Variants in LARS1 observed in about 807,000 individuals in gnomAD.
The protein encoded by LARS1 is leucyl-tRNA synthetase 1.
In LARS1, 100 loss-of-function variants were observed where a neutral mutation model predicts 162.8. The ratio of observed to expected loss-of-function variants is 0.61; its 90% CI spans 0.52 to 0.73. The LOEUF (loss-of-function observed/expected upper bound fraction) is 0.73. Ranked by LOEUF, LARS1 falls within the 30% of genes least tolerant of loss-of-function variation. The probability of loss-of-function intolerance (pLI) is 0.00; values close to 1 mark genes in which losing one functional copy is unlikely to be tolerated. For synonymous variants in LARS1, 457 were observed against 462.8 expected (o/e 0.99, Z 0.16); for missense variants, 1,258 against 1,408.9 (o/e 0.89, Z 1.71).
intron 24 of LARS1, 118 bp from the exon 25 acceptor site, chr5:146,130,276 A>AT: frequency 1.1e-6 from 1 of 946,994 alleles, no homozygotes; most frequent in Non-Finnish European, 1.6e-6. Context: ...TTAAAAATCC[A>AT]TAACAAATTA....
chr5:146,160,609 T>C, intron 6 of LARS1, 123 bp from the exon 7 acceptor site: 1 of 489,140 alleles, frequency 2.0e-6, no homozygotes, highest in Non-Finnish European at 3.6e-6. Flanking sequence ...TTAAAAATAA[T>C]TTTCCAAGTT....
In LARS1 at chr5:146,126,513, G is replaced by A. The variant is rs1752052784; in HGVS notation, c.2913C>T (p.Val971=). 6.2e-7 allele frequency: 1 copy of A among 1,612,014 alleles called. No individual in the cohort carries two copies. The change falls in exon 28 of 32, where the codon GTC becomes GTT. Residue 971 remains valine (V), a synonymous_variant. Transcript: ENST00000394434. ...ANNGKLPDNK[V]IASELGSMPE... ...GCATACTGCCTAGTTCACTAGCAAT[G>A]ACTTTGTTGTCAGGCAGTTTTCCGT...
rs1764076817 is a variant in LARS1, at chr5:146,113,758, A to C, written c.*348T>G. 5.3e-6 allele frequency: 1 copy of C among 188,788 alleles called. No individual in the cohort carries two copies. The highest frequency in any genetic ancestry group is 5.4e-5 in the Admixed American group (1 of 18,568). 11.7% of individuals were successfully genotyped at this position (188,788 alleles called of 1,614,324 possible). On this transcript the variant is annotated 3_prime_UTR_variant, in exon 32 of 32. Transcript: ENST00000394434. ...TATACTATAAAAAGCTGTTAGGTAC[A>C]CCTTAGCCTTCATCAAAGTATAAAG...
Position 146,113,521 on chromosome 5 carries a change from G to T in LARS1, c.*585C>A, listed in dbSNP as rs1196041334. 1 of 152,164 alleles carries T rather than the reference G, an allele frequency of 6.6e-6. No individual in the cohort carries two copies. The highest frequency in any genetic ancestry group is 2.4e-5 in the African/African-American group (1 of 41,396). 9.4% of individuals were successfully genotyped at this position (152,164 alleles called of 1,614,324 possible). ...TATTAGCCTTGAAGAAGCCATTATTGGTTCTTAGTTGAATAATTAAAGCTT... is the reference window on the plus strand; with the variant it reads ...TATTAGCCTTGAAGAAGCCATTATTTGTTCTTAGTTGAATAATTAAAGCTT... On this transcript the variant is annotated 3_prime_UTR_variant, in exon 32 of 32. Transcript: ENST00000394434.
chr5:146,138,890 GA>G, intron 21 of LARS1: 1 of 293,860 alleles, frequency 3.4e-6, no homozygotes. Context: ...GTAATCTGGG[GA>G]AAGGTAACTC....
At chr5:146,164,034 C>T (rs561641014) in intron 6 of LARS1, among the ~76,000 whole-genome samples, 1 of 152,164 alleles carries the variant, frequency 6.6e-6, no homozygotes, top group South Asian at 2.1e-4. Context: ...TGTGTGGCAA[C>T]CCAAAACAAT....
chr5:146,139,448 TTC>T (rs887092279), intron 21 of LARS1, among the ~76,000 whole-genome samples: 3 of 152,112 alleles, frequency 2.0e-5, no homozygotes, highest in East Asian at 1.9e-4. Flanking sequence ...GTCTCTCTTT[TTC>T]TCTCTTTACT....
intron 20 of LARS1, chr5:146,142,671 T>C: frequency 3.9e-6 from 2 of 512,028 alleles, no homozygotes; most frequent in South Asian, 5.5e-5. Context: ...CATGCTTTGG[T>C]GCCTGGGGTA....
At position 146,177,564 on chromosome 5, in the gene LARS1, A is replaced by G; in HGVS notation, c.108T>C (p.Asn36=). ...TERVFEVNAS[N]LEKQTSKGKY... is the part of the protein sequence containing the mutation. ...TTACTCACCTGGTCTGTTTCTCTAAATTAGATGCATTGACCTCAAACACTC... is the reference window on the plus strand; with the variant it reads ...TTACTCACCTGGTCTGTTTCTCTAAGTTAGATGCATTGACCTCAAACACTC... Residue 36 remains asparagine, a synonymous_variant, in exon 2 of 32, where the codon AAT becomes AAC. Transcript: ENST00000394434. The G allele has an allele frequency of 6.4e-7, 1 of 1,562,448 alleles. No individual in the cohort carries two copies. Among genetic ancestry groups the G allele is most frequent in the East Asian group, 2.3e-5 (1 of 43,538 alleles).
At chr5:146,181,543 G>C (rs969053298) in intron 1 of LARS1, among the ~76,000 whole-genome samples, 1 of 151,934 alleles carries the variant, frequency 6.6e-6, no homozygotes, top group Admixed American at 6.6e-5. Context: ...AGTACCAGCT[G>C]TGGGGAGGCT....
intron 6 of LARS1, among the ~76,000 whole-genome samples, chr5:146,161,726 C>G (rs1753789569): frequency 6.7e-6 from 1 of 148,674 alleles, no homozygotes; most frequent in African/African-American, 2.5e-5. Flanking sequence ...GCACTCCAGC[C>G]TGGGCAACAA....
chr5:146,158,042 C>T (rs1753610302), intron 8 of LARS1, among the ~76,000 whole-genome samples: 1 of 152,138 alleles, frequency 6.6e-6, no homozygotes, highest in Non-Finnish European at 1.5e-5. Context: ...ACACAATCAA[C>T]CCTAATTCCA....
intron 28 of LARS1, 57 bp downstream of exon 28, chr5:146,126,378 A>G: frequency 1.9e-6 from 2 of 1,037,644 alleles, no homozygotes; most frequent in South Asian, 1.4e-5. Flanking sequence ...CCATCCTTCT[A>G]TTGTCCCATC....
At chr5:146,159,315 T>G in intron 8 of LARS1, 92 bp downstream of exon 8, 1 of 966,464 alleles carries the variant, frequency 1.0e-6, no homozygotes, top group East Asian at 2.5e-5. Flanking sequence ...CCCTCAGCAC[T>G]ACAAAGAAGT....
intron 31 of LARS1, among the ~76,000 whole-genome samples, chr5:146,115,055 A>AAC (rs1169170109): frequency 6.6e-6 from 1 of 150,524 alleles, no homozygotes; most frequent in African/African-American, 2.5e-5. Context: ...GGAAAAAAAA[A>AAC]AAAAAAAAAA....
At chr5:146,143,161 A>C in intron 19 of LARS1, 77 bp from the exon 20 acceptor site, 1 of 869,836 alleles carries the variant, frequency 1.1e-6, no homozygotes. Flanking sequence ...CCTGAATCGA[A>C]ACATGGATTA....
Position 146,157,422 on chromosome 5 carries a change from A to G in LARS1, c.1046T>C (p.Val349Ala). ...FTKDNGVVPV[V>A]KELMGEEILG... ...ACTTACCTCCCCCATTAATTCCTTAACAACAGGCACCACGCCATTGTCTTT... is the reference window on the plus strand; with the variant it reads ...ACTTACCTCCCCCATTAATTCCTTAGCAACAGGCACCACGCCATTGTCTTT... Residue 349 changes from valine to alanine, a missense_variant, in exon 10 of 32, where the codon GTT becomes GCT. By Grantham distance (64) the Val-to-Ala change is moderately conservative. Coordinates refer to ENST00000394434, the MANE Select transcript of LARS1 (RefSeq NM_020117.11). 1.2e-6 allele frequency: 2 copies of G among 1,614,100 alleles called. No homozygotes were observed. The highest frequency in any genetic ancestry group is 1.7e-6 in the Non-Finnish European group (2 of 1,179,994).
intron 28 of LARS1, among the ~76,000 whole-genome samples, chr5:146,125,712 C>T (rs1363521777): frequency 6.6e-6 from 1 of 151,904 alleles, no homozygotes; most frequent in Non-Finnish European, 1.5e-5. Context: ...TTTTCTGGCC[C>T]CATAGCCTGC....
Position 146,153,780 on chromosome 5 carries a change from T to A in LARS1, c.1184A>T (p.Asp395Val), listed in dbSNP as rs1292469239. 6.2e-7 allele frequency: 1 copy of A among 1,613,750 alleles called. No homozygotes were observed. Among genetic ancestry groups the A allele is most frequent in the Non-Finnish European group, 8.5e-7 (1 of 1,179,924 alleles). The change falls in exon 12 of 32, where the codon GAC (aspartate) becomes GTC (valine). Residue 395 changes from aspartate (D) to valine (V), a missense_variant. Physicochemically the swap from Asp to Val is radical, Grantham distance 152 (BLOSUM62 -3). Transcript: ENST00000394434. Reference protein sequence around the residue: ...GTGVVTSVPSDSPDDIAALRD... With the variant: ...GTGVVTSVPSVSPDDIAALRD... ...GAGGGCAGCAATATCATCAGGGGAG[T>A]CGGAAGGAACACTTGTAACCACACC...
Sources: allele counts gnomAD v4.1 joint callset (sites outside exome capture counted in the v4.1 genomes callset), GRCh38; gene constraint gnomAD v4.1.1; transcripts MANE v1.5; gene names NCBI Gene and HGNC (gene_info 2026-07-23, HGNC 2026-07-21).